LHFPL2: variants seen among roughly 807,000 people sequenced by gnomAD.
The protein encoded by LHFPL2 is LHFPL tetraspan subfamily member 2.
Under a neutral mutation model 17.5 loss-of-function variants are expected in LHFPL2, and 7 were observed. The observed-to-expected ratio is 0.40, with a 90% CI of 0.23 to 0.75. The LOEUF is 0.75. Ranked by LOEUF, LHFPL2 falls within the 30% of genes least tolerant of loss-of-function variation. The pLI, the probability that LHFPL2 is intolerant of heterozygous loss-of-function variation, is 0.37. For synonymous variants in LHFPL2, 134 were observed against 116.2 expected (o/e 1.15, Z -0.99); for missense variants, 241 against 294.8 (o/e 0.82, Z 1.34).
At chr5:78,580,988 G>A (rs1743111913) in intron 2 of LHFPL2, among the ~76,000 whole-genome samples, 1 of 152,182 alleles carries the variant, frequency 6.6e-6, no homozygotes, top group Non-Finnish European at 1.5e-5. Flanking sequence ...AGCATAGAAT[G>A]TTCTTCCATT....
At chr5:78,490,732 G>GT (rs1360779025) in intron 4 of LHFPL2, among the ~76,000 whole-genome samples, 2 of 116,448 alleles carry the variant, frequency 1.7e-5, no homozygotes, top group East Asian at 5.3e-4. Context: ...TGGCAAAAGA[G>GT]TGAGACTCCC....
In LHFPL2 at chr5:78,539,763, G is replaced by A. The variant is rs536003134; in HGVS notation, c.-186+25050C>T. Among the ~76,000 whole-genome samples, 63 of 151,726 alleles carry A rather than the reference G, an allele frequency of 4.2e-4. No homozygotes were observed. In the South Asian group the frequency reaches 9.8e-3, roughly 24 times the overall value. Reference sequence around the variant, plus strand: ...CCACATAGCCTGCTAAGCCACACTGGGCATTTTTCTTGCCCCACTAACAAC... The same window carrying A: ...CCACATAGCCTGCTAAGCCACACTGAGCATTTTTCTTGCCCCACTAACAAC... On this transcript the variant is annotated intron_variant, in intron 3 of 4. Transcript: ENST00000380345.
intron 2 of LHFPL2, among the ~76,000 whole-genome samples, chr5:78,572,496 GTGTA>G (rs1757025754): frequency 7.0e-6 from 1 of 141,880 alleles, no homozygotes. Flanking sequence ...ATATATATGT[GTGTA>G]TATATATATA....
chr5:78,617,973 C>T (rs1580862656), intron 2 of LHFPL2, among the ~76,000 whole-genome samples: 1 of 152,212 alleles, frequency 6.6e-6, no homozygotes, highest in Admixed American at 6.5e-5. Flanking sequence ...GAGGCCAAGA[C>T]AGGTGGATCA....
chr5:78,572,425 T>C (rs760835740), intron 2 of LHFPL2, among the ~76,000 whole-genome samples: 1 of 151,446 alleles, frequency 6.6e-6, no homozygotes, highest in Non-Finnish European at 1.5e-5. Flanking sequence ...TATATACATA[T>C]ATATATATGT....
chr5:78,641,345 T>C (rs1745654353), intron 1 of LHFPL2, among the ~76,000 whole-genome samples: 1 of 152,274 alleles, frequency 6.6e-6, no homozygotes, highest in Non-Finnish European at 1.5e-5. Flanking sequence ...TGGTTACGTC[T>C]AGTTGAACCA....
intron 2 of LHFPL2, among the ~76,000 whole-genome samples, chr5:78,602,827 C>G (rs947274839): frequency 6.6e-6 from 1 of 152,148 alleles, no homozygotes; most frequent in Non-Finnish European, 1.5e-5. Flanking sequence ...TTAATCACTT[C>G]ATAGCAATTA....
At chr5:78,505,920 A>G (rs1754918358) in intron 4 of LHFPL2, among the ~76,000 whole-genome samples, 2 of 152,250 alleles carry the variant, frequency 1.3e-5, no homozygotes, top group Admixed American at 6.5e-5. Context: ...TATGGTTCAG[A>G]AAAGTGAGGC....
chr5:78,635,574 G>A (rs1490885022), intron 1 of LHFPL2, among the ~76,000 whole-genome samples: 6 of 152,216 alleles, frequency 3.9e-5, no homozygotes, highest in African/African-American at 1.2e-4. Flanking sequence ...AGGCCCAGGC[G>A]GGCGGACCAC....
At chr5:78,640,717 T>A (rs1339190668) in intron 1 of LHFPL2, among the ~76,000 whole-genome samples, 1 of 152,238 alleles carries the variant, frequency 6.6e-6, no homozygotes, top group East Asian at 1.9e-4. Context: ...AATTTTAGTC[T>A]CTGTCCTTCC....
At chr5:78,511,269 G>A (rs1020787720) in intron 3 of LHFPL2, among the ~76,000 whole-genome samples, 5 of 152,182 alleles carry the variant, frequency 3.3e-5, no homozygotes, top group Admixed American at 2.0e-4. Flanking sequence ...CATCCCATGT[G>A]CCTCTGCCTA....
intron 2 of LHFPL2, among the ~76,000 whole-genome samples, chr5:78,622,953 T>C (rs879595639): frequency 2.0e-5 from 3 of 152,064 alleles, no homozygotes; most frequent in Non-Finnish European, 2.9e-5. Flanking sequence ...GGGGTGATGA[T>C]TGGGGATCTT....
Position 78,534,816 on chromosome 5 carries a change from T to C in LHFPL2, c.-185-24418A>G, listed in dbSNP as rs186947896. On this transcript the variant is annotated intron_variant, in intron 3 of 4. Coordinates refer to ENST00000380345, the MANE Select transcript of LHFPL2 (RefSeq NM_005779.3). Reference sequence around the variant, plus strand: ...TCCACTTCCAGCCACCTTGCCGTCCTGGCAAAACTCCCCGGACCTGCCAAC... The same window carrying C: ...TCCACTTCCAGCCACCTTGCCGTCCCGGCAAAACTCCCCGGACCTGCCAAC... Among the ~76,000 whole-genome samples the C allele has an allele frequency of 2.0e-5, 3 of 152,300 alleles. No homozygotes were observed. The East Asian group carries it at 5.8e-4, about 29-fold the overall frequency.
In LHFPL2 at chr5:78,497,446, ACTTAT is replaced by A. The variant is rs141957613; in HGVS notation, c.431-8298_431-8294del. 0.018 allele frequency among the ~76,000 whole-genome samples: 2,683 copies of A among 152,188 alleles called. 122 individuals carry two copies. In the East Asian group the frequency reaches 0.2, roughly 11 times the overall value. ...TACCTTTTAACATACTATATAGTTT[ACTTAT>A]CTTATTTATTGTCTACCCCCGCCAG... On this transcript the variant is annotated intron_variant, in intron 4 of 4. Coordinates refer to ENST00000380345, the MANE Select transcript of LHFPL2 (RefSeq NM_005779.3).
In LHFPL2 at chr5:78,487,012, C is replaced by T. The variant is rs147411267; in HGVS notation, c.*1885G>A. On this transcript the variant is annotated 3_prime_UTR_variant, in exon 5 of 5. Coordinates refer to ENST00000380345, the MANE Select transcript of LHFPL2 (RefSeq NM_005779.3). Reference sequence around the variant, plus strand: ...CTTTGTCCAGTGGCTCCTCCAGCCTCTTTCTGTGTGGTGTTAGAGATATGG... The same window carrying T: ...CTTTGTCCAGTGGCTCCTCCAGCCTTTTTCTGTGTGGTGTTAGAGATATGG... 5 of 152,300 alleles carry T rather than the reference C, an allele frequency of 3.3e-5. No individual in the cohort carries two copies. The highest frequency in any genetic ancestry group is 7.2e-5 in the African/African-American group (3 of 41,568). The allele number at this position is 152,300 out of a possible 1,614,324, so 9.4% of individuals were successfully genotyped here.
At chr5:78,580,261 G>C (rs1213713580) in intron 2 of LHFPL2, among the ~76,000 whole-genome samples, 3 of 152,168 alleles carry the variant, frequency 2.0e-5, no homozygotes, top group Non-Finnish European at 4.4e-5. Flanking sequence ...TGTCAGATGA[G>C]TAGGTTGCAA....
chr5:78,550,145 C>G (rs12189516), intron 3 of LHFPL2, among the ~76,000 whole-genome samples: 1 of 152,220 alleles, frequency 6.6e-6, no homozygotes, highest in African/African-American at 2.4e-5. Flanking sequence ...TACTGGACCA[C>G]TAGCAAACCA....
intron 4 of LHFPL2, among the ~76,000 whole-genome samples, chr5:78,491,514 C>A (rs1176541429): frequency 6.6e-6 from 1 of 152,154 alleles, no homozygotes; most frequent in Non-Finnish European, 1.5e-5. Flanking sequence ...AATCAAGTAG[C>A]AGAAAAGACC....
intron 1 of LHFPL2, among the ~76,000 whole-genome samples, chr5:78,647,095 T>C (rs1330600506): frequency 6.6e-6 from 1 of 152,230 alleles, no homozygotes; most frequent in Non-Finnish European, 1.5e-5. Flanking sequence ...TTATCTGATA[T>C]TACTTCAAAA....
Sources: allele counts gnomAD v4.1 joint callset (sites outside exome capture counted in the v4.1 genomes callset), GRCh38; gene constraint gnomAD v4.1.1; transcripts MANE v1.5; gene names NCBI Gene and HGNC (gene_info 2026-07-23, HGNC 2026-07-21).